Variants in CORO1C observed in about 807,000 individuals in gnomAD.
The protein encoded by CORO1C is coronin 1C.
A neutral mutation model predicts 51.2 loss-of-function variants in CORO1C; 14 were observed. The observed-to-expected ratio is 0.27, with a 90% CI of 0.18 to 0.43. The LOEUF (loss-of-function observed/expected upper bound fraction) is 0.43. Ranked by LOEUF, CORO1C falls within the 20% of genes least tolerant of loss-of-function variation. The pLI is 1.00. For synonymous variants in CORO1C, 181 were observed against 210.5 expected (o/e 0.86, Z 1.21); for missense variants, 417 against 607.8 (o/e 0.69, Z 3.30).
At chr12:108,726,324 C>T (rs1326041991) in intron 1 of CORO1C, among the ~76,000 whole-genome samples, 7 of 149,994 alleles carry the variant, frequency 4.7e-5, no homozygotes, top group Non-Finnish European at 7.4e-5. Context: ...GAGGCTGAGG[C>T]GGGAGAACGG....
At chr12:108,721,479 G>C (rs1363908909) in intron 1 of CORO1C, among the ~76,000 whole-genome samples, 1 of 152,184 alleles carries the variant, frequency 6.6e-6, no homozygotes, top group African/African-American at 2.4e-5. Flanking sequence ...ATGTGCTTGA[G>C]GGCTGGAGGA....
chr12:108,685,376 C>T (rs1032494583), intron 2 of CORO1C, among the ~76,000 whole-genome samples: 2 of 152,034 alleles, frequency 1.3e-5, no homozygotes, highest in Non-Finnish European at 2.9e-5. Context: ...TCTATCAAAA[C>T]AAATAATAAC....
chr12:108,649,176 G>A (rs2032526469), intron 8 of CORO1C, 156 bp from the exon 9 acceptor site: 2 of 773,470 alleles, frequency 2.6e-6, no homozygotes, highest in Admixed American at 5.5e-5. Context: ...AGAATTTAGT[G>A]TTCCCGGTTG....
At chr12:108,698,148 G>A (rs2034749880) in intron 2 of CORO1C, among the ~76,000 whole-genome samples, 1 of 152,180 alleles carries the variant, frequency 6.6e-6, no homozygotes, top group African/African-American at 2.4e-5. Context: ...AACTACCTAG[G>A]CACATGACTG....
intron 5 of CORO1C, 150 bp from the exon 6 acceptor site, chr12:108,657,573 G>C (rs1186801865): frequency 1.3e-6 from 1 of 741,592 alleles, no homozygotes; most frequent in African/African-American, 1.8e-5. Flanking sequence ...CCCTTCCCCA[G>C]ATGAGGAAAC....
At chr12:108,689,268 A>T (rs1291624816) in intron 2 of CORO1C, among the ~76,000 whole-genome samples, 1 of 152,228 alleles carries the variant, frequency 6.6e-6, no homozygotes, top group Non-Finnish European at 1.5e-5. Flanking sequence ...ATGTAACATT[A>T]TGTTAAAGTC....
intron 2 of CORO1C, among the ~76,000 whole-genome samples, chr12:108,700,122 T>G (rs1280559818): frequency 1.4e-5 from 2 of 145,226 alleles, no homozygotes; most frequent in Non-Finnish European, 3.1e-5. Context: ...TGTGATGAGA[T>G]GTACCCTGAA....
At chr12:108,718,157 C>T (rs2035385306) in intron 1 of CORO1C, among the ~76,000 whole-genome samples, 1 of 152,114 alleles carries the variant, frequency 6.6e-6, no homozygotes, top group African/African-American at 2.4e-5. Flanking sequence ...ATTGAGACCA[C>T]CCTGGCTAAC....
At chr12:108,706,003 AT>A (rs1243391388) in intron 1 of CORO1C, among the ~76,000 whole-genome samples, 1 of 152,046 alleles carries the variant, frequency 6.6e-6, no homozygotes, top group Non-Finnish European at 1.5e-5. Flanking sequence ...CTTGCACAAC[AT>A]GGTGAAACCC....
chr12:108,713,341 G>A (rs2035236695), intron 1 of CORO1C, among the ~76,000 whole-genome samples: 2 of 152,086 alleles, frequency 1.3e-5, no homozygotes, highest in Non-Finnish European at 2.9e-5. Flanking sequence ...CTTGATGTTG[G>A]TTCAATTGAT....
At chr12:108,675,094 T>A (rs2033859006) in intron 3 of CORO1C, among the ~76,000 whole-genome samples, 3 of 152,018 alleles carry the variant, frequency 2.0e-5, no homozygotes, top group African/African-American at 7.2e-5. Flanking sequence ...ACCACCACCC[T>A]CATCAGTCAG....
intron 4 of CORO1C, 116 bp from the exon 5 acceptor site, chr12:108,659,035 AAAG>A: frequency 3.8e-6 from 4 of 1,063,448 alleles, no homozygotes; most frequent in Non-Finnish European, 5.1e-6. Context: ...AGAGAGAGAG[AAAG>A]AGAGAGAGAG....
intron 3 of CORO1C, among the ~76,000 whole-genome samples, chr12:108,671,551 A>G (rs1283150991): frequency 6.6e-6 from 1 of 152,086 alleles, no homozygotes; most frequent in Non-Finnish European, 1.5e-5. Context: ...GTATCTAGAG[A>G]TACCAACTCA....
chr12:108,675,059 G>GTC (rs1304345426), intron 3 of CORO1C, among the ~76,000 whole-genome samples: 2 of 152,100 alleles, frequency 1.3e-5, no homozygotes, highest in African/African-American at 2.4e-5. Context: ...TATTGTCGTG[G>GTC]TCTCATCCAG....
chr12:108,691,640 T>C (rs1362800439), intron 2 of CORO1C, among the ~76,000 whole-genome samples: 1 of 152,204 alleles, frequency 6.6e-6, no homozygotes, highest in African/African-American at 2.4e-5. Flanking sequence ...GAGCCACCCG[T>C]GCAGCCAATC....
At chr12:108,697,329 A>G (rs1667175322) in intron 2 of CORO1C, among the ~76,000 whole-genome samples, 1 of 152,212 alleles carries the variant, frequency 6.6e-6, no homozygotes. Flanking sequence ...GAAACAAAAA[A>G]GGGAAAACAT....
chr12:108,678,299 G>A lies in CORO1C; in HGVS notation c.291C>T (p.Ala97=). 3 of 1,613,274 alleles carry A rather than the reference G, an allele frequency of 1.9e-6. No individual in the cohort carries two copies. Among genetic ancestry groups the A allele is most frequent in the Non-Finnish European group, 2.5e-6 (3 of 1,179,600 alleles). ...DWCPHNDQVI[A]SGSEDCTVMV... ...TGACCGTGCAGTCCTCTGAACCGCT[G>A]GCAATGACCTGATCGTTATGTGGGC... Residue 97 remains alanine (A), a synonymous_variant, in exon 3 of 11, where the codon GCC becomes GCT. Coordinates refer to ENST00000261401, the MANE Select transcript of CORO1C (RefSeq NM_014325.4).
At chr12:108,666,583 T>G (rs1369103768) in intron 3 of CORO1C, among the ~76,000 whole-genome samples, 1 of 152,168 alleles carries the variant, frequency 6.6e-6, no homozygotes, top group Non-Finnish European at 1.5e-5. Context: ...CGGTTTGGAC[T>G]GATGTTCCTG....
At chr12:108,714,220 C>G (rs2035264130) in intron 1 of CORO1C, among the ~76,000 whole-genome samples, 2 of 151,916 alleles carry the variant, frequency 1.3e-5, no homozygotes, top group African/African-American at 4.8e-5. Flanking sequence ...GAAACCCCAT[C>G]TCTACTAAAA....
Sources: allele counts gnomAD v4.1 joint callset (sites outside exome capture counted in the v4.1 genomes callset), GRCh38; gene constraint gnomAD v4.1.1; transcripts MANE v1.5; gene names NCBI Gene and HGNC (gene_info 2026-07-23, HGNC 2026-07-21).